Variants in COL11A2 observed in about 807,000 individuals in gnomAD.
COL11A2 encodes collagen alpha-2(XI) chain.
A neutral mutation model predicts 273.4 loss-of-function variants in COL11A2; 116 were observed. The ratio of observed to expected loss-of-function variants is 0.42; its 90% confidence interval spans 0.36 to 0.49. COL11A2 has a LOEUF of 0.49. Ranked by LOEUF, COL11A2 falls within the 20% of genes least tolerant of loss-of-function variation. The pLI is 0.00. For synonymous variants in COL11A2, 782 were observed against 864.2 expected, an observed-to-expected ratio of 0.90 and a Z score of 1.67; for missense variants, 1,866 against 2,309.0, an observed-to-expected ratio of 0.81 and a Z score of 3.93.
chr6:33,181,760 A>G (rs1771767239), intron 8 of COL11A2, among the ~76,000 whole-genome samples: 2 of 151,912 alleles, frequency 1.3e-5, no homozygotes, highest in African/African-American at 4.8e-5. Flanking sequence ...TGCTGGAATT[A>G]CAGGCGTGAG....
chr6:33,185,125 G>A lies in COL11A2; in HGVS notation c.877-71C>T, dbSNP rs889060858. On this transcript the variant is annotated intron_variant, in intron 6 of 65. Transcript: ENST00000341947. The stretch of plus-strand genomic sequence containing the variant: ...AAGGAGAAAGGTTAGCAGAAGGGAG[G>A]CAAAGCAGCACCTGTCCCCCGAGGG... The A allele has an allele frequency of 7.9e-6, 9 of 1,146,054 alleles. 1 individual carries two copies. Among genetic ancestry groups the A allele is most frequent in the African/African-American group, 1.5e-5 (1 of 64,846 alleles). 71.0% of individuals were successfully genotyped at this position (1,146,054 alleles called of 1,614,324 possible).
chr6:33,170,021 G>A lies in COL11A2; in HGVS notation c.3636+26C>T. The A allele has an allele frequency of 6.2e-7, 1 of 1,613,118 alleles. No homozygotes were observed. The highest frequency in any genetic ancestry group is 8.5e-7 in the Non-Finnish European group (1 of 1,179,916). ...ACTCCCATCCCCCACTTCCATGACT[G>A]GTCCACTCACCCCCTTCCCAGTTAC... On this transcript the variant is annotated intron_variant, in intron 49 of 65. Transcript: ENST00000341947. The surrounding 1 kb of genome is among the most constrained non-coding windows in gnomAD (Gnocchi z 4.3).
Position 33,165,806 on chromosome 6 carries a change from C to T in COL11A2, c.4493G>A (p.Gly1498Asp), listed in dbSNP as rs143390157. The change falls in exon 63 of 66, where the codon GGC (glycine) becomes GAC (aspartate). Residue 1498 changes from glycine (G) to aspartate (D), a missense_variant. By Grantham distance (94) the Gly-to-Asp change is moderately conservative. Coordinates refer to ENST00000341947, the MANE Select transcript of COL11A2 (RefSeq NM_080680.3). The surrounding 1 kb of genome is among the most constrained non-coding windows in gnomAD (Gnocchi z 7.7). ...QGPPGHPGPPGEVIQPLPIQM... is the reference protein window; with the variant it reads ...QGPPGHPGPPDEVIQPLPIQM... Reference sequence around the variant, plus strand: ...AATGGGCAGTGGCTGGATCACCTCGCCTGGGGGACCCTGGGTGCAGGGACA... The same window carrying T: ...AATGGGCAGTGGCTGGATCACCTCGTCTGGGGGACCCTGGGTGCAGGGACA... 2.5e-6 allele frequency: 4 copies of T among 1,613,476 alleles called. No homozygotes were observed. The highest frequency in any genetic ancestry group is 3.4e-6 in the Non-Finnish European group (4 of 1,179,988).
Position 33,165,445 on chromosome 6 carries a change from C to A in COL11A2, c.4750+104G>T. On this transcript the variant is annotated intron_variant, in intron 63 of 65. Transcript: ENST00000341947. The surrounding 1 kb of genome is among the most constrained non-coding windows in gnomAD (Gnocchi z 7.7). ...GCAGTTCCCAGCCCCTCAGCCCTCA[C>A]CCTTAACCCAACACCTTCACCAAGA... 6.4e-7 allele frequency: 1 copy of A among 1,560,972 alleles called. No homozygotes were observed. Among genetic ancestry groups the A allele is most frequent in the Non-Finnish European group, 8.7e-7 (1 of 1,146,570 alleles).
chr6:33,188,320 A>AG, intron 4 of COL11A2, 42 bp downstream of exon 4: 1 of 1,611,978 alleles, frequency 6.2e-7, no homozygotes, highest in Non-Finnish European at 8.5e-7. Context: ...GGCACAAGAT[A>AG]GGGGACCAGA....
Position 33,170,943 on chromosome 6 carries a change from C to A in COL11A2, c.3367-26G>T, listed in dbSNP as rs958942725. ...CTGCAGGGTTGAGGGAAAGCAGAGA[C>A]AAGGACACAGGGATGGGTCATGGGT... On this transcript the variant is annotated intron_variant, in intron 45 of 65. Coordinates refer to ENST00000341947, the MANE Select transcript of COL11A2 (RefSeq NM_080680.3). The surrounding 1 kb of genome is among the most constrained non-coding windows in gnomAD (Gnocchi z 4.3). The A allele has an allele frequency of 1.3e-6, 2 of 1,595,856 alleles. No homozygotes were observed. The highest frequency in any genetic ancestry group is 8.5e-7 in the Non-Finnish European group (1 of 1,173,684).
At position 33,189,027 on chromosome 6, in the gene COL11A2, G is replaced by C. The variant is rs774606772; in HGVS notation, c.394C>G (p.Gln132Glu). ...FLYEDQTGRPQPPSQPVFRGL... is the reference protein window; with the variant it reads ...FLYEDQTGRPEPPSQPVFRGL... ...CGGAAGACTGGCTGAGAGGGAGGTT[G>C]AGGCCGCCCAGTCTGGTCTTCATAC... The change falls in exon 3 of 66, where the codon CAA becomes GAA. Residue 132 changes from glutamine (Q) to glutamate (E), a missense_variant. Gln to Glu is a conservative substitution (Grantham distance 29, BLOSUM62 2). Coordinates refer to ENST00000341947, the MANE Select transcript of COL11A2 (RefSeq NM_080680.3). The surrounding 1 kb of genome is among the most constrained non-coding windows in gnomAD (Gnocchi z 5.6). The C allele has an allele frequency of 6.2e-7, 1 of 1,614,226 alleles. No individual in the cohort carries two copies. Among genetic ancestry groups the C allele is most frequent in the South Asian group, 1.1e-5 (1 of 91,086 alleles).
In COL11A2 at chr6:33,177,467, T is replaced by C; in HGVS notation, c.1918-2A>G. ...AGGTCCTGGCTCTCCCTGGGGTCCC[T>C]AGAAACAGGTGACCAGGCACAGGTC... On this transcript the variant is annotated splice_acceptor_variant, in intron 22 of 65. Coordinates refer to ENST00000341947, the MANE Select transcript of COL11A2 (RefSeq NM_080680.3). LOFTEE classifies it high-confidence loss of function. This position sits in a 1 kb window ranked among gnomAD's most constrained non-coding sequence, Gnocchi z 5.9. 1 of 1,612,840 alleles carries C rather than the reference T, an allele frequency of 6.2e-7. No individual in the cohort carries two copies. Among genetic ancestry groups the C allele is most frequent in the Middle Eastern group, 1.6e-4 (1 of 6,062 alleles).
chr6:33,171,183 G>C lies in COL11A2; in HGVS notation c.3313-16C>G. 1 of 1,612,002 alleles carries C rather than the reference G, an allele frequency of 6.2e-7. No homozygotes were observed. Among genetic ancestry groups the C allele is most frequent in the Non-Finnish European group, 8.5e-7 (1 of 1,178,780 alleles). ...CAGGAGGGCCCTGGGTAAGAGAAGAGAGTCAGAGACACCAAAACAGGGAGA... is the reference window on the plus strand; with the variant it reads ...CAGGAGGGCCCTGGGTAAGAGAAGACAGTCAGAGACACCAAAACAGGGAGA... On this transcript the variant is annotated splice_polypyrimidine_tract_variant and intron_variant, in intron 44 of 65. Transcript: ENST00000341947.
rs1389085404 is a variant in COL11A2, at chr6:33,169,439, G to A, written c.3742C>T (p.Pro1248Ser). Reference sequence around the variant, plus strand: ...GGGCCTTTAGGCCCTGGTGGCCCTGGCTCTCCTGGCTGCCCCGACTCTCCT... The same window carrying A: ...GGGCCTTTAGGCCCTGGTGGCCCTGACTCTCCTGGCTGCCCCGACTCTCCT... ...EKGESGQPGE[P>S]GPPGPKGPTG... Residue 1248 changes from proline (P) to serine (S), a missense_variant, in exon 51 of 66, where the codon CCA becomes TCA. Transcript: ENST00000341947. This position sits in a 1 kb window ranked among gnomAD's most constrained non-coding sequence, Gnocchi z 5.5. 1 of 1,612,954 alleles carries A rather than the reference G, an allele frequency of 6.2e-7. No individual in the cohort carries two copies. The highest frequency in any genetic ancestry group is 1.1e-5 in the South Asian group (1 of 91,084).
chr6:33,172,576 G>C lies in COL11A2; in HGVS notation c.2852C>G (p.Pro951Arg). Residue 951 changes from proline to arginine, a missense_variant, in exon 39 of 66, where the codon CCT (proline) becomes CGT (arginine). Transcript: ENST00000341947. ...ERGHPGPPGP[P>R]GEQGLPGTAG... The stretch of plus-strand genomic sequence containing the variant: ...TGTCCCAGGTAGTCCCTGCTCTCCA[G>C]GGGGCCCCGGGGGGCCTGGGTGACC... The C allele has an allele frequency of 6.2e-7, 1 of 1,612,342 alleles. No homozygotes were observed. Among genetic ancestry groups the C allele is most frequent in the Non-Finnish European group, 8.5e-7 (1 of 1,179,842 alleles).
In COL11A2 at chr6:33,185,200, C is replaced by A. The variant is rs146488331; in HGVS notation, c.877-146G>T. Reference sequence around the variant, plus strand: ...GGGGGAAATCTCAGATCTTGCAGCCCCTTTGGAGGGGGATAGTTTGGGGAG... The same window carrying A: ...GGGGGAAATCTCAGATCTTGCAGCCACTTTGGAGGGGGATAGTTTGGGGAG... On this transcript the variant is annotated intron_variant, in intron 6 of 65. Transcript: ENST00000341947. 3.1e-3 allele frequency: 2,170 copies of A among 704,294 alleles called. 20 individuals are homozygous for A. Among genetic ancestry groups the A allele is most frequent in the Middle Eastern group, 0.017 (55 of 3,246 alleles). 43.6% of individuals were successfully genotyped at this position (704,294 alleles called of 1,614,324 possible).
chr6:33,174,710 G>A (rs1770662376), intron 30 of COL11A2, 130 bp from the exon 31 acceptor site: 1 of 823,192 alleles, frequency 1.2e-6, no homozygotes, highest in African/African-American at 1.7e-5. Flanking sequence ...CCAGCCTCTA[G>A]CCCCTCATTG....
In COL11A2 at chr6:33,181,167, C is replaced by T. The variant is rs1372827466; in HGVS notation, c.1123G>A (p.Ala375Thr). 2 of 1,614,202 alleles carry T rather than the reference C, an allele frequency of 1.2e-6. No individual in the cohort carries two copies. Among genetic ancestry groups the T allele is most frequent in the Admixed American group, 3.3e-5 (2 of 60,028 alleles). Residue 375 changes from alanine (A) to threonine (T), a missense_variant, in exon 9 of 66, where the codon GCC becomes ACC. Ala to Thr is a moderately conservative substitution (Grantham distance 58). Coordinates refer to ENST00000341947, the MANE Select transcript of COL11A2 (RefSeq NM_080680.3). ...CCCTTCAGCCCTCGGGGTCCATGGG[C>T]AGCCTGAAGGAGACACACATGTAGC... ...SAETAHSGAA[A>T]HGPRGLKGEK...
chr6:33,189,331 T>G lies in COL11A2; in HGVS notation c.221A>C (p.Gln74Pro), dbSNP rs1209329811. 2 of 1,613,696 alleles carry G rather than the reference T, an allele frequency of 1.2e-6. No homozygotes were observed. The highest frequency in any genetic ancestry group is 4.5e-5 in the East Asian group (2 of 44,882). Residue 74 changes from glutamine to proline, a missense_variant, in exon 2 of 66, where the codon CAG (glutamine) becomes CCG (proline). Physicochemically the swap from Gln to Pro is moderately conservative, Grantham distance 76. Coordinates refer to ENST00000341947, the MANE Select transcript of COL11A2 (RefSeq NM_080680.3). This position sits in a 1 kb window ranked among gnomAD's most constrained non-coding sequence, Gnocchi z 5.6. The part of the protein sequence containing the change: ...RPAQLSAPTR[Q>P]LFPGGFPKDF... ...CATGTCACCCATACCTGGGAAAAGC[T>G]GGCGAGTGGGTGCACTGAGCTGGGC...
chr6:33,173,235 C>A lies in COL11A2; in HGVS notation c.2736+113G>T. The A allele has an allele frequency of 1.9e-6, 3 of 1,538,626 alleles. No individual in the cohort carries two copies. The highest frequency in any genetic ancestry group is 2.3e-5 in the South Asian group (2 of 87,150). On this transcript the variant is annotated intron_variant, in intron 37 of 65. Coordinates refer to ENST00000341947, the MANE Select transcript of COL11A2 (RefSeq NM_080680.3). This position sits in a 1 kb window ranked among gnomAD's most constrained non-coding sequence, Gnocchi z 6.3. ...CCTGGGCCCTGGGTCTGAGCAGCAC[C>A]AGGGCAGGCTCCACTCTGCCAGGAG...
rs1464774861 is a variant in COL11A2 at position 33,165,802 on chromosome 6, C to T, written c.4497G>A (p.Glu1499=). 6.2e-7 allele frequency: 1 copy of T among 1,613,436 alleles called. No homozygotes were observed. The highest frequency in any genetic ancestry group is 1.7e-5 in the Admixed American group (1 of 60,002). Residue 1499 remains glutamate, a synonymous_variant, in exon 63 of 66, where the codon GAG becomes GAA. Coordinates refer to ENST00000341947, the MANE Select transcript of COL11A2 (RefSeq NM_080680.3). This position sits in a 1 kb window ranked among gnomAD's most constrained non-coding sequence, Gnocchi z 7.7. The part of the protein sequence containing the change: ...GPPGHPGPPG[E]VIQPLPIQMP... ...TCTGAATGGGCAGTGGCTGGATCAC[C>T]TCGCCTGGGGGACCCTGGGTGCAGG...
Position 33,166,190 on chromosome 6 carries a change from T to C in COL11A2, c.4409A>G (p.Lys1470Arg), listed in dbSNP as rs897406698. 2.5e-6 allele frequency: 4 copies of C among 1,604,652 alleles called. No individual in the cohort carries two copies. The highest frequency in any genetic ancestry group is 2.2e-5 in the East Asian group (1 of 44,636). Residue 1470 changes from lysine (K) to arginine (R), a missense_variant, in exon 61 of 66, where the codon AAA (lysine) becomes AGA (arginine). By Grantham distance (26) the Lys-to-Arg change is conservative (BLOSUM62 2). Coordinates refer to ENST00000341947, the MANE Select transcript of COL11A2 (RefSeq NM_080680.3). The surrounding 1 kb of genome is among the most constrained non-coding windows in gnomAD (Gnocchi z 4.8). ...PPGLPGPAGP[K>R]GAKGATGPGG... ...ACTCACTGTGGCTCCTTTGGCTCCT[T>C]TGGGGCCAGCAGGTCCCTGTGAAAT...
chr6:33,178,048 A>C lies in COL11A2; in HGVS notation c.1872+84T>G. 7.4e-7 allele frequency: 1 copy of C among 1,355,376 alleles called. No homozygotes were observed. Among genetic ancestry groups the C allele is most frequent in the Non-Finnish European group, 1.0e-6 (1 of 966,404 alleles). The allele number at this position is 1,355,376 out of a possible 1,614,324, so 84.0% of individuals were successfully genotyped here. On this transcript the variant is annotated intron_variant, in intron 21 of 65. Coordinates refer to ENST00000341947, the MANE Select transcript of COL11A2 (RefSeq NM_080680.3). This position sits in a 1 kb window ranked among gnomAD's most constrained non-coding sequence, Gnocchi z 4.6. ...AATGGGAAGCATGCCGAGAGAGGAGAGGGAGCAGGAAGGCAGCTAGAAAGG... is the reference window on the plus strand; with the variant it reads ...AATGGGAAGCATGCCGAGAGAGGAGCGGGAGCAGGAAGGCAGCTAGAAAGG...
Sources: allele counts gnomAD v4.1 joint callset (sites outside exome capture counted in the v4.1 genomes callset), GRCh38; gene constraint gnomAD v4.1.1; non-coding constraint Gnocchi (gnomAD v3.1); transcripts MANE v1.5; gene names NCBI Gene and HGNC (gene_info 2026-07-23, HGNC 2026-07-21).